DNAH14: variants seen among roughly 807,000 people sequenced by gnomAD.
DNAH14 encodes axonemal beta dynein heavy chain 14.
In DNAH14, 478 loss-of-function variants were observed where a neutral mutation model predicts 520.9. The observed-to-expected ratio is 0.92, with a 90% CI of 0.85 to 0.99. The LOEUF (loss-of-function observed/expected upper bound fraction) is 0.99. Ranked by LOEUF, DNAH14 falls within the 50% of genes least tolerant of loss-of-function variation. DNAH14 has a pLI of 0.00. For synonymous variants in DNAH14, 1,581 were observed against 1,757.2 expected (o/e 0.90, Z 2.51); for missense variants, 4,831 against 5,234.5 (o/e 0.92, Z 2.38).
At chr1:225,274,203 T>TTTTTG (rs1316555234) in intron 52 of DNAH14, among the ~76,000 whole-genome samples, 6 of 117,802 alleles carry the variant, frequency 5.1e-5, no homozygotes, top group African/African-American at 1.7e-4. Flanking sequence ...TGTTATTTTT[T>TTTTTG]TTTTTTTTTT....
intron 31 of DNAH14, among the ~76,000 whole-genome samples, chr1:225,147,563 T>C (rs1316531713): frequency 1.3e-5 from 2 of 152,214 alleles, no homozygotes; most frequent in Admixed American, 6.5e-5. Flanking sequence ...GCTTAAATTT[T>C]CATATTATCT....
At chr1:225,226,857 A>G (rs570806734) in intron 41 of DNAH14, among the ~76,000 whole-genome samples, 11 of 152,194 alleles carry the variant, frequency 7.2e-5, no homozygotes, top group African/African-American at 2.2e-4. Context: ...GTTAGCAGGA[A>G]AACATGTGAG....
chr1:225,183,564 A>G (rs1457598384), intron 36 of DNAH14, among the ~76,000 whole-genome samples: 1 of 152,192 alleles, frequency 6.6e-6, no homozygotes, highest in Non-Finnish European at 1.5e-5. Flanking sequence ...AACTAAAATC[A>G]GAGCAGAACT....
chr1:225,269,987 A>G (rs1389233658), intron 49 of DNAH14, among the ~76,000 whole-genome samples: 1 of 152,208 alleles, frequency 6.6e-6, no homozygotes, highest in Non-Finnish European at 1.5e-5. Flanking sequence ...TACTCAAAGG[A>G]TTATAAATCA....
chr1:225,066,252 G>C (rs1184462488), intron 17 of DNAH14, among the ~76,000 whole-genome samples: 1 of 151,926 alleles, frequency 6.6e-6, no homozygotes, highest in East Asian at 1.9e-4. Context: ...CAGATGTATA[G>C]CTTGCAAAAT....
intron 54 of DNAH14, among the ~76,000 whole-genome samples, chr1:225,287,706 T>C (rs1000633378): frequency 6.6e-6 from 1 of 152,122 alleles, no homozygotes; most frequent in Non-Finnish European, 1.5e-5. Context: ...AATACCATTC[T>C]CCAATAAAAG....
rs769597162 is a variant in DNAH14, at chr1:225,141,030, A to G, written c.4508+9A>G. 1.3e-6 allele frequency: 2 copies of G among 1,529,208 alleles called. No individual in the cohort carries two copies. The highest frequency in any genetic ancestry group is 1.8e-6 in the Non-Finnish European group (2 of 1,133,866). 94.7% of individuals were successfully genotyped at this position (1,529,208 alleles called of 1,614,324 possible). A position where few individuals can be genotyped will look rare whatever the true frequency, so the allele number is the denominator to read the frequency against. On this transcript the variant is annotated intron_variant, in intron 28 of 85. Coordinates refer to ENST00000682510, the MANE Select transcript of DNAH14 (RefSeq NM_001367479.1). ...GATTTTGAGTGGACAAGGTAGGTGG[A>G]TCTAAATTATAACTACATACAATAA...
chr1:225,200,861 C>T (rs1394433806), intron 38 of DNAH14, among the ~76,000 whole-genome samples: 3 of 152,052 alleles, frequency 2.0e-5, no homozygotes, highest in Non-Finnish European at 4.4e-5. Flanking sequence ...CAATGAATTT[C>T]CCAGGTGTTC....
rs946543851 is a variant in DNAH14 at position 225,271,982 on chromosome 1, G to T, written c.7748G>T (p.Cys2583Phe). Residue 2583 changes from cysteine to phenylalanine, a missense_variant, in exon 51 of 86, where the codon TGT becomes TTT. Coordinates refer to ENST00000682510, the MANE Select transcript of DNAH14 (RefSeq NM_001367479.1). ...AAAAGTAAGGATCAGATAATATCTT[G>T]TTCCCTAGCTATATACCATCAAGTA... Reference protein sequence around the residue: ...VQKSKDQIISCSLAIYHQVRQ... With the variant: ...VQKSKDQIISFSLAIYHQVRQ... The T allele has an allele frequency of 3.9e-6, 6 of 1,550,532 alleles. No individual in the cohort carries two copies. The African/African-American group carries it at 8.2e-5, about 21-fold the overall frequency.
At position 225,002,837 on chromosome 1, in the gene DNAH14, G is replaced by A; in HGVS notation, c.885G>A (p.Leu295=). 1 of 1,548,752 alleles carries A rather than the reference G, an allele frequency of 6.5e-7. No individual in the cohort carries two copies. The highest frequency in any genetic ancestry group is 8.7e-7 in the Non-Finnish European group (1 of 1,145,600). Residue 295 remains leucine (L), a synonymous_variant, in exon 9 of 86, where the codon TTG becomes TTA. Coordinates refer to ENST00000682510, the MANE Select transcript of DNAH14 (RefSeq NM_001367479.1). ...CTGATGACTTGTTTCAAACCTGTTT[G>A]GTTTATATAAGAGGACTTTGTGAAG... ...FLADDLFQTC[L]VYIRGLCEDA... is the part of the protein sequence containing the mutation.
chr1:225,097,216 C>G lies in DNAH14; in HGVS notation c.3672C>G (p.Val1224=). ...GAAATTGGCTTTATCTTGAACCAGT[C>G]TTTCATTCTTCAGAAATACGAAGGT... is the stretch of plus-strand genomic sequence containing the variant. The part of the protein sequence containing the change: ...CQRNWLYLEP[V]FHSSEIRRQL... Residue 1224 remains valine, a synonymous_variant, in exon 22 of 86, where the codon GTC becomes GTG. Coordinates refer to ENST00000682510, the MANE Select transcript of DNAH14 (RefSeq NM_001367479.1). 1 of 1,550,314 alleles carries G rather than the reference C, an allele frequency of 6.5e-7. No homozygotes were observed. Among genetic ancestry groups the G allele is most frequent in the Non-Finnish European group, 8.7e-7 (1 of 1,146,312 alleles).
chr1:225,085,466 G>A, intron 20 of DNAH14, 78 bp from the exon 21 acceptor site: 1 of 1,290,732 alleles, frequency 7.7e-7, no homozygotes, highest in African/African-American at 1.5e-5. Context: ...TTCAAAACTT[G>A]CATTTAAAAT....
intron 41 of DNAH14, among the ~76,000 whole-genome samples, chr1:225,217,750 G>A (rs12728007): frequency 0.15 from 23,455 of 152,126 alleles, 2,131 homozygotes; most frequent in East Asian, 0.36. Flanking sequence ...GGCCGTTGCA[G>A]AAGCGCAGTA....
At chr1:225,059,557 G>A (rs1232641740) in intron 17 of DNAH14, among the ~76,000 whole-genome samples, 4 of 152,202 alleles carry the variant, frequency 2.6e-5, no homozygotes, top group Admixed American at 6.5e-5. Context: ...GTGTGAATTC[G>A]ATCCTGTTAT....
At chr1:224,977,368 A>G (rs927221983) in intron 8 of DNAH14, among the ~76,000 whole-genome samples, 4 of 152,004 alleles carry the variant, frequency 2.6e-5, no homozygotes, top group African/African-American at 7.2e-5. Flanking sequence ...GGATAGCTTT[A>G]GGAGATATAC....
chr1:225,154,988 T>C (rs1452245849), intron 34 of DNAH14, among the ~76,000 whole-genome samples: 4 of 152,092 alleles, frequency 2.6e-5, no homozygotes, highest in Admixed American at 2.0e-4. Flanking sequence ...CAACAGATAG[T>C]TCTTGGAAAA....
chr1:225,270,951 G>T, intron 50 of DNAH14, 85 bp downstream of exon 50: 1 of 1,347,144 alleles, frequency 7.4e-7, no homozygotes. Flanking sequence ...CACTAATATT[G>T]AAAGAAAATT....
chr1:225,262,223 T>A (rs1227322323), intron 46 of DNAH14, among the ~76,000 whole-genome samples: 1 of 151,966 alleles, frequency 6.6e-6, no homozygotes, highest in Non-Finnish European at 1.5e-5. Context: ...TTTGAGTTTC[T>A]TGTAGATTCT....
chr1:225,377,797 A>G (rs537220262), intron 79 of DNAH14, among the ~76,000 whole-genome samples: 4 of 150,944 alleles, frequency 2.6e-5, no homozygotes, highest in African/African-American at 9.8e-5. Flanking sequence ...ACGTCTAACA[A>G]ATTTTAACAC....
Sources: gnomAD v4.1 joint callset for allele counts (sites outside exome capture counted in the v4.1 genomes callset) on GRCh38, gnomAD v4.1.1 for gene constraint, MANE v1.5 for transcripts, NCBI Gene and HGNC (gene_info 2026-07-23, HGNC 2026-07-21) for gene names.